The following AGT variants were observed in gnomAD, a reference collection of about 807,000 sequenced individuals.
The protein encoded by AGT is alpha-1 antiproteinase, antitrypsin.
AGT carries 26 observed loss-of-function variants against 28.1 expected under a neutral mutation model. That is an observed-to-expected ratio of 0.92 (90% confidence interval 0.68 to 1.28). AGT has a LOEUF of 1.28. Ranked by LOEUF, AGT falls within the 50% of genes most tolerant of loss-of-function variation. The pLI is 0.00. For missense variants in AGT, 596 were observed against 592.3 expected, an observed-to-expected ratio of 1.01 and a Z score of -0.06; for synonymous variants, 259 against 259.6, an observed-to-expected ratio of 1.00 and a Z score of 0.02.
chr1:230,709,915 C>G, intron 2 of AGT, 80 bp downstream of exon 2: 1 of 1,601,440 alleles, frequency 6.2e-7, no homozygotes, highest in South Asian at 1.1e-5. Flanking sequence ...CTGCCCATCT[C>G]CAAGGCCTGA....
chr1:230,736,027 T>A (rs1664149129), intron 1 of AGT, among the ~76,000 whole-genome samples: 1 of 152,022 alleles, frequency 6.6e-6, no homozygotes, highest in South Asian at 2.1e-4. Context: ...AGGTGATGTC[T>A]TAAATCCAAA....
intron 3 of AGT, 39 bp from the exon 4 acceptor site, chr1:230,704,376 C>T: frequency 6.2e-7 from 1 of 1,610,966 alleles, no homozygotes; most frequent in Non-Finnish European, 8.5e-7. Context: ...CTCCAGGCCA[C>T]ACAGTGAGGG....
intron 1 of AGT, among the ~76,000 whole-genome samples, chr1:230,738,436 A>G (rs1050515088): frequency 2.0e-5 from 3 of 152,242 alleles, no homozygotes; most frequent in Non-Finnish European, 4.4e-5. Context: ...AGTGCTTATC[A>G]TGTTACTTTA....
intron 1 of AGT, among the ~76,000 whole-genome samples, chr1:230,736,911 T>TTCTGTGAATCGGAAGC (rs1333996865): frequency 6.6e-6 from 1 of 152,090 alleles, no homozygotes; most frequent in African/African-American, 2.4e-5. Context: ...AGGCTGGAAA[T>TTCTGTGAATCGGAAGC]TCTGTGAATC....
Position 230,706,184 on chromosome 1 carries a change from G to C in AGT, c.846C>G (p.Phe282Leu), listed in dbSNP as rs1478575542. 1 of 1,613,550 alleles carries C rather than the reference G, an allele frequency of 6.2e-7. No individual in the cohort carries two copies. Among genetic ancestry groups the C allele is most frequent in the East Asian group, 2.2e-5 (1 of 44,868 alleles). The change falls in exon 3 of 5, where the codon TTC becomes TTG. Residue 282 changes from phenylalanine to leucine, a missense_variant. Transcript: ENST00000366667. ...YVHFQGKMKG[F>L]SLLAEPQEFW... The stretch of plus-strand genomic sequence containing the variant: ...ACTCCTGGGGCTCGGCCAGCAGGGA[G>C]AAGCCCTTCATCTTCCCTGAAATCC...
upstream of AGT, among the ~76,000 whole-genome samples, chr1:230,718,465 C>T (rs756043641): frequency 7.2e-5 from 11 of 152,114 alleles, no homozygotes; most frequent in South Asian, 4.2e-4. Context: ...TCATGTTGTA[C>T]GCTGGATCTC....
At chr1:230,728,136 C>T (rs181825984) in intron 1 of AGT, among the ~76,000 whole-genome samples, 81 of 152,074 alleles carry the variant, frequency 5.3e-4, no homozygotes, top group Admixed American at 4.6e-3. Context: ...AGGTAGGGGT[C>T]GTGGGTCCAG....
chr1:230,723,746 G>C (rs925802133), intron 1 of AGT, among the ~76,000 whole-genome samples: 1 of 152,120 alleles, frequency 6.6e-6, no homozygotes, highest in African/African-American at 2.4e-5. Context: ...AGGAAAAATG[G>C]TTATCTTCTC....
intron 3 of AGT, 137 bp from the exon 4 acceptor site, chr1:230,704,474 T>G (rs888879223): frequency 1.6e-5 from 19 of 1,196,098 alleles, no homozygotes; most frequent in Non-Finnish European, 2.1e-5. Flanking sequence ...AACTAAGTCA[T>G]CCTCCCCCTT....
chr1:230,741,527 G>A (rs1480291825), intron 1 of AGT, among the ~76,000 whole-genome samples: 1 of 152,280 alleles, frequency 6.6e-6, no homozygotes, highest in Admixed American at 6.5e-5. Context: ...ACCCTATGGT[G>A]TGATGCCTGA....
At chr1:230,743,474 C>T (rs1230169150) in intron 1 of AGT, among the ~76,000 whole-genome samples, 1 of 152,234 alleles carries the variant, frequency 6.6e-6, no homozygotes, top group Non-Finnish European at 1.5e-5. Flanking sequence ...TTCCTGCCTT[C>T]ACTCTGGTTA....
chr1:230,706,555 G>T (rs948497676), intron 2 of AGT, among the ~76,000 whole-genome samples: 9 of 152,228 alleles, frequency 5.9e-5, no homozygotes, highest in Admixed American at 2.0e-4. Context: ...CCCAAAGGCT[G>T]TGGTTTGACA....
upstream of AGT, among the ~76,000 whole-genome samples, chr1:230,719,411 T>G (rs1464268642): frequency 1.9e-5 from 2 of 103,434 alleles, no homozygotes; most frequent in African/African-American, 4.0e-5. Context: ...ATTATGTTTT[T>G]TTTTTTTTTT....
At chr1:230,712,785 G>T (rs1264851767) in intron 1 of AGT, among the ~76,000 whole-genome samples, 2 of 152,180 alleles carry the variant, frequency 1.3e-5, no homozygotes, top group Admixed American at 1.3e-4. Context: ...CTGGTTCCAG[G>T]TCTGCACGCA....
chr1:230,745,295 C>T (rs1050837192), intron 1 of AGT, among the ~76,000 whole-genome samples: 1 of 152,146 alleles, frequency 6.6e-6, no homozygotes, highest in Non-Finnish European at 1.5e-5. Context: ...CCTCCATGTG[C>T]CAGACTTTGC....
At chr1:230,706,332 C>T (rs1486606917) in intron 2 of AGT, 132 bp from the exon 3 acceptor site, 2 of 1,010,156 alleles carry the variant, frequency 2.0e-6, no homozygotes, top group Non-Finnish European at 2.9e-6. Flanking sequence ...CCCCCCCAGG[C>T]CACTCTGCAT....
upstream of AGT, among the ~76,000 whole-genome samples, chr1:230,719,383 T>TTATTATTATTATTATTATTA (rs1159358719): frequency 3.4e-5 from 5 of 147,770 alleles, no homozygotes; most frequent in South Asian, 2.1e-4. Context: ...CTTTCTATTT[T>TTATTATTATTATTATTATTA]TTATTATTAT....
At chr1:230,719,463 AGT>A (rs1263390846), upstream of AGT, among the ~76,000 whole-genome samples, 6 of 139,794 alleles carry the variant, frequency 4.3e-5, no homozygotes, top group African/African-American at 1.6e-4. Flanking sequence ...GCTGGAGTGC[AGT>A]GGCGGGATCT....
intron 1 of AGT, among the ~76,000 whole-genome samples, chr1:230,738,651 C>A (rs1355235542): frequency 1.3e-5 from 2 of 152,038 alleles, no homozygotes; most frequent in Non-Finnish European, 2.9e-5. Flanking sequence ...TGCTACCTTG[C>A]CAAAGGGGGA....
Sources: gnomAD v4.1 joint callset for allele counts (sites outside exome capture counted in the v4.1 genomes callset) on GRCh38, gnomAD v4.1.1 for gene constraint, MANE v1.5 for transcripts, NCBI Gene and HGNC (gene_info 2026-07-23, HGNC 2026-07-21) for gene names.